R3HDML: variants seen among roughly 807,000 people sequenced by gnomAD.
R3HDML encodes the protein peptidase inhibitor R3HDML.
Under a neutral mutation model 24.2 loss-of-function variants are expected in R3HDML, and 21 were observed. That is an observed-to-expected ratio of 0.87 (90% confidence interval 0.62 to 1.25). The LOEUF (loss-of-function observed/expected upper bound fraction) is 1.25, where lower values mean the gene tolerates loss of function less well. Among genes scored for constraint, R3HDML ranks in the 50% most tolerant of loss-of-function variants. The pLI, the probability that R3HDML is intolerant of heterozygous loss-of-function variation, is 0.00. For missense variants in R3HDML, 301 were observed against 340.3 expected (o/e 0.88, Z 0.91); for synonymous variants, 133 against 131.5 (o/e 1.01, Z -0.08).
At chr20:44,345,417 G>C (rs200276733) in intron 4 of R3HDML, 39 bp downstream of exon 4, 3 of 1,433,728 alleles carry the variant, frequency 2.1e-6, no homozygotes, top group Non-Finnish European at 2.9e-6. Context: ...CCCTGGGGCC[G>C]GCGGGTGGGT....
intron 2 of R3HDML, among the ~76,000 whole-genome samples, 169 bp from the exon 3 acceptor site, chr20:44,343,208 G>A (rs1158464019): frequency 1.3e-5 from 2 of 152,196 alleles, no homozygotes. Flanking sequence ...CACTTCACAT[G>A]GGTTCAGAAC....
chr20:44,350,489 A>AAAAT (rs141709514), intron 4 of R3HDML, 171 bp from the exon 5 acceptor site: 322 of 542,616 alleles, frequency 5.9e-4, no homozygotes, highest in African/African-American at 2.0e-3. Context: ...AGAGCAAAAC[A>AAAAT]AAATAAATAA....
chr20:44,343,318 C>G (rs960963776), intron 2 of R3HDML, 59 bp from the exon 3 acceptor site: 9 of 1,587,174 alleles, frequency 5.7e-6, no homozygotes, highest in Non-Finnish European at 7.7e-6. Context: ...AGCAAGTTGG[C>G]GGCCGAGCCA....
In R3HDML at chr20:44,350,894, GT is replaced by G; in HGVS notation, c.*104del. The G allele has an allele frequency of 7.2e-7, 1 of 1,385,066 alleles. No homozygotes were observed. Among genetic ancestry groups the G allele is most frequent in the Non-Finnish European group, 1.0e-6 (1 of 1,002,070 alleles). The allele number at this position is 1,385,066 out of a possible 1,614,324, so 85.8% of individuals were successfully genotyped here. A position where few individuals can be genotyped will look rare whatever the true frequency, so the allele number is the denominator to read the frequency against. Reference sequence around the variant, plus strand: ...ATAATTGTTTCTTTAAAGGATATGAGTTAGAATCACCCCCTGTTGAATTTTC... The same window carrying G: ...ATAATTGTTTCTTTAAAGGATATGAGTAGAATCACCCCCTGTTGAATTTTC... On this transcript the variant is annotated 3_prime_UTR_variant, in exon 5 of 5. Coordinates refer to ENST00000217043, the MANE Select transcript of R3HDML (RefSeq NM_178491.4).
Position 44,349,793 on chromosome 20 carries a change from G to T in R3HDML, c.630-867G>T, listed in dbSNP as rs192030927. ...AGGAGAAAGAGGGAGAAAAAGGCTG[G>T]GCGCGGTGGCTCACGTCTGTAATTC... On this transcript the variant is annotated intron_variant, in intron 4 of 4. Transcript: ENST00000217043. Among the ~76,000 whole-genome samples, 6 of 152,286 alleles carry T rather than the reference G, an allele frequency of 3.9e-5. No homozygotes were observed. The East Asian group carries it at 1.2e-3, about 29-fold the overall frequency.
chr20:44,350,939 T>A lies in R3HDML; in HGVS notation c.*147T>A. 1 of 861,764 alleles carries A rather than the reference T, an allele frequency of 1.2e-6. No individual in the cohort carries two copies. Among genetic ancestry groups the A allele is most frequent in the South Asian group, 1.8e-5 (1 of 54,648 alleles). 53.4% of individuals were successfully genotyped at this position (861,764 alleles called of 1,614,324 possible). ...AATTTTCCCTCCTAGATCCCCTTCT[T>A]AAATGTCCAACATGGGTCAAAAGAA... On this transcript the variant is annotated 3_prime_UTR_variant, in exon 5 of 5. Transcript: ENST00000217043.
Position 44,337,308 on chromosome 20 carries a change from A to G in R3HDML, c.151A>G (p.Arg51Gly), listed in dbSNP as rs747795041. The stretch of plus-strand genomic sequence containing the variant: ...GCTCCTGAGTGGCCTGGAGGTGCCC[A>G]GGTACCGCCGGAAGCGCCACATCTC... ...MRLLSGLEVP[R>G]YRRKRHISVR... Residue 51 changes from arginine (R) to glycine (G), a missense_variant, in exon 1 of 5, where the codon AGG becomes GGG. Transcript: ENST00000217043. This position sits in a 1 kb window ranked among gnomAD's most constrained non-coding sequence, Gnocchi z 4.7. The G allele has an allele frequency of 5.6e-6, 9 of 1,614,060 alleles. No homozygotes were observed. The African/African-American group carries it at 1.1e-4, about 19-fold the overall frequency.
chr20:44,340,350 C>G (rs933830031), intron 1 of R3HDML, among the ~76,000 whole-genome samples: 2 of 152,166 alleles, frequency 1.3e-5, no homozygotes, highest in Admixed American at 6.6e-5. Context: ...CTCAGCCTCC[C>G]AAAAGTGCTG....
intron 4 of R3HDML, among the ~76,000 whole-genome samples, chr20:44,346,776 G>A (rs1278726675): frequency 6.6e-6 from 1 of 152,236 alleles, no homozygotes; most frequent in Non-Finnish European, 1.5e-5. Flanking sequence ...TTTAGGAGAT[G>A]CCTGCATACA....
At chr20:44,342,361 G>T (rs2062774491) in intron 2 of R3HDML, among the ~76,000 whole-genome samples, 1 of 152,054 alleles carries the variant, frequency 6.6e-6, no homozygotes, top group Admixed American at 6.6e-5. Flanking sequence ...GTCACAACCA[G>T]CACCAGCCTC....
Position 44,337,205 on chromosome 20 carries a change from G to C in R3HDML, c.48G>C (p.Trp16Cys). Reference sequence around the variant, plus strand: ...TGGGCCTGGCAGGCCTGCTCTTCTGGGCTGGCCAGGCAGTGAACGCCTTGA... The same window carrying C: ...TGGGCCTGGCAGGCCTGCTCTTCTGCGCTGGCCAGGCAGTGAACGCCTTGA... ...STVGLAGLLFWAGQAVNALIM... is the reference protein window; with the variant it reads ...STVGLAGLLFCAGQAVNALIM... The change falls in exon 1 of 5, where the codon TGG becomes TGC. Residue 16 changes from tryptophan to cysteine, a missense_variant. Transcript: ENST00000217043. The surrounding 1 kb of genome is among the most constrained non-coding windows in gnomAD (Gnocchi z 4.7). 1.2e-6 allele frequency: 2 copies of C among 1,613,572 alleles called. No homozygotes were observed. The highest frequency in any genetic ancestry group is 2.7e-5 in the African/African-American group (2 of 75,040).
Position 44,337,083 on chromosome 20 carries a change from G to T in R3HDML, c.-75G>T. ...ACTGTTGGAGAACGCTCAGGGTCTG[G>T]TGCTCTCGTGCCTGCCCCTTCCAGG... On this transcript the variant is annotated 5_prime_UTR_variant, in exon 1 of 5. Coordinates refer to ENST00000217043, the MANE Select transcript of R3HDML (RefSeq NM_178491.4). This position sits in a 1 kb window ranked among gnomAD's most constrained non-coding sequence, Gnocchi z 4.7. 1 of 1,528,146 alleles carries T rather than the reference G, an allele frequency of 6.5e-7. No individual in the cohort carries two copies. The highest frequency in any genetic ancestry group is 8.8e-7 in the Non-Finnish European group (1 of 1,133,926). The allele number at this position is 1,528,146 out of a possible 1,614,324, so 94.7% of individuals were successfully genotyped here.
chr20:44,345,233 A>G (rs746714063), intron 3 of R3HDML, 30 bp from the exon 4 acceptor site: 1 of 1,588,810 alleles, frequency 6.3e-7, no homozygotes, highest in East Asian at 2.2e-5. Context: ...AGCCCTTCTC[A>G]TAGCCCCCTC....
intron 3 of R3HDML, 57 bp downstream of exon 3, chr20:44,343,566 G>A: frequency 6.7e-7 from 1 of 1,492,268 alleles, no homozygotes; most frequent in Admixed American, 2.4e-5. Context: ...CGCCTTAGAA[G>A]AAAAGGAATG....
intron 3 of R3HDML, 26 bp from the exon 4 acceptor site, chr20:44,345,237 C>G (rs768274356): frequency 6.3e-7 from 1 of 1,591,008 alleles, no homozygotes; most frequent in Non-Finnish European, 8.6e-7. Context: ...CTTCTCATAG[C>G]CCCCTCTGTC....
At chr20:44,341,979 C>A (rs918220887) in intron 2 of R3HDML, among the ~76,000 whole-genome samples, 3 of 152,132 alleles carry the variant, frequency 2.0e-5, no homozygotes, top group African/African-American at 7.2e-5. Context: ...TCTGGCCTGA[C>A]CTTCTCACCG....
chr20:44,347,234 G>GTA (rs1387328859), intron 4 of R3HDML, among the ~76,000 whole-genome samples: 15,153 of 150,538 alleles, frequency 0.1, 944 homozygotes, highest in Middle Eastern at 0.17. Flanking sequence ...TTTTTTTTGG[G>GTA]GGGGGACGAG....
In R3HDML at chr20:44,337,448, C is replaced by A; in HGVS notation, c.261+30C>A. 6.3e-7 allele frequency: 1 copy of A among 1,595,942 alleles called. No individual in the cohort carries two copies. The highest frequency in any genetic ancestry group is 8.6e-7 in the Non-Finnish European group (1 of 1,166,688). On this transcript the variant is annotated intron_variant, in intron 1 of 4. Transcript: ENST00000217043. The surrounding 1 kb of genome is among the most constrained non-coding windows in gnomAD (Gnocchi z 4.7). ...GTCCCCGTACCTGCCCCCCACCCCC[C>A]GCAGTGTCCCTTCCGGCAAACGCAG... is the stretch of plus-strand genomic sequence containing the variant.
At chr20:44,344,189 G>C (rs934524161) in intron 3 of R3HDML, among the ~76,000 whole-genome samples, 2 of 151,826 alleles carry the variant, frequency 1.3e-5, no homozygotes, top group African/African-American at 4.8e-5. Flanking sequence ...GCTGAGGCAG[G>C]ACAATCACTT....
Sources: gnomAD v4.1 joint callset for allele counts (sites outside exome capture counted in the v4.1 genomes callset) on GRCh38, gnomAD v4.1.1 for gene constraint, Gnocchi (gnomAD v3.1) non-coding constraint, MANE v1.5 for transcripts, NCBI Gene and HGNC (gene_info 2026-07-23, HGNC 2026-07-21) for gene names.